Variants in LGR5 observed in about 807,000 individuals in gnomAD.
LGR5 encodes the protein leucine-rich repeat-containing G protein-coupled receptor 5.
LGR5 carries 54 observed loss-of-function variants against 76.7 expected under a neutral mutation model. The observed-to-expected ratio is 0.70, with a 90% CI of 0.57 to 0.88. The LOEUF (loss-of-function observed/expected upper bound fraction) is 0.88, where lower values mean the gene tolerates loss of function less well. LGR5 is among the 40% of genes least tolerant of loss of function. The pLI is 0.00. For synonymous variants in LGR5, 406 were observed against 421.9 expected (o/e 0.96, Z 0.46); for missense variants, 1,078 against 1,073.3 (o/e 1.00, Z -0.06).
chr12:71,580,129 A>G, intron 15 of LGR5, 149 bp from the exon 16 acceptor site: 1 of 567,228 alleles, frequency 1.8e-6, no homozygotes, highest in Non-Finnish European at 2.9e-6. Flanking sequence ...TAGCACTGTA[A>G]TGAACACCTT....
At chr12:71,550,950 C>G (rs1406591698) in intron 4 of LGR5, among the ~76,000 whole-genome samples, 1 of 152,096 alleles carries the variant, frequency 6.6e-6, no homozygotes, top group Non-Finnish European at 1.5e-5. Flanking sequence ...GAAATTATAC[C>G]TTATTTGAGC....
intron 3 of LGR5, among the ~76,000 whole-genome samples, chr12:71,531,393 A>T (rs1022199562): frequency 1.3e-5 from 2 of 152,262 alleles, no homozygotes; most frequent in African/African-American, 4.8e-5. Context: ...ACTTATAATG[A>T]TATAATAAAG....
rs929655175 is a variant in LGR5, at chr12:71,560,414, G to T, written c.785+760G>T. Among the ~76,000 whole-genome samples, 68 of 152,270 alleles carry T rather than the reference G, an allele frequency of 4.5e-4. 1 individual carries two copies. Among genetic ancestry groups the T allele is most frequent in the Admixed American group, 1.4e-3 (22 of 15,288 alleles). On this transcript the variant is annotated intron_variant, in intron 7 of 17. Coordinates refer to ENST00000266674, the MANE Select transcript of LGR5 (RefSeq NM_003667.4). ...TCTTCATCCCTGTCATCTTCACATT[G>T]AGGAGGCTGAGGAGGAAGAGGAAGA...
intron 16 of LGR5, 117 bp from the exon 17 acceptor site, chr12:71,582,339 G>A: frequency 1.3e-6 from 1 of 793,838 alleles, no homozygotes; most frequent in Non-Finnish European, 2.1e-6. Context: ...GAAAGCTAGA[G>A]CACAAGGAAT....
rs140264650 is a variant in LGR5, at chr12:71,575,722, ATGTGTGTGTGTG to A, written c.1209-2177_1209-2166del. Among the ~76,000 whole-genome samples the A allele has an allele frequency of 2.7e-3, 398 of 144,842 alleles. 1 individual carries two copies. Among genetic ancestry groups the A allele is most frequent in the East Asian group, 0.023 (113 of 4,978 alleles). ...TGAGACTCCATCTCAAAAAATATATATGTGTGTGTGTGTGTGTGTGTGTGTGTGTGTGTGTGT... is the reference window on the plus strand; with the variant it reads ...TGAGACTCCATCTCAAAAAATATATATGTGTGTGTGTGTGTGTGTGTGTGT... On this transcript the variant is annotated intron_variant, in intron 13 of 17. Transcript: ENST00000266674.
rs1346446642 is a variant in LGR5, at chr12:71,440,780, C to G, written c.212+488C>G. Among the ~76,000 whole-genome samples, 3 of 152,232 alleles carry G rather than the reference C, an allele frequency of 2.0e-5. No homozygotes were observed. The highest frequency in any genetic ancestry group is 4.4e-5 in the Non-Finnish European group (3 of 68,042). Reference sequence around the variant, plus strand: ...TCCAAAGGGTTTTTAGTCTGCATCCCTTGCACTGTGACGTGATGTAACCTT... The same window carrying G: ...TCCAAAGGGTTTTTAGTCTGCATCCGTTGCACTGTGACGTGATGTAACCTT... On this transcript the variant is annotated intron_variant, in intron 1 of 17. Coordinates refer to ENST00000266674, the MANE Select transcript of LGR5 (RefSeq NM_003667.4). This position sits in a 1 kb window ranked among gnomAD's most constrained non-coding sequence, Gnocchi z 5.3.
At chr12:71,458,192 G>T (rs1419829735) in intron 1 of LGR5, among the ~76,000 whole-genome samples, 1 of 151,940 alleles carries the variant, frequency 6.6e-6, no homozygotes, top group African/African-American at 2.4e-5. Flanking sequence ...TAGTAGATAT[G>T]GTATCTGTAA....
chr12:71,582,727 G>C, intron 17 of LGR5, 188 bp downstream of exon 17: 1 of 548,986 alleles, frequency 1.8e-6, no homozygotes, highest in Non-Finnish European at 3.3e-6. Context: ...TTGCCAATAG[G>C]ATTGAGGTGG....
At chr12:71,445,675 C>A (rs1269512804) in intron 1 of LGR5, among the ~76,000 whole-genome samples, 2 of 152,074 alleles carry the variant, frequency 1.3e-5, no homozygotes, top group African/African-American at 4.8e-5. Flanking sequence ...TGGATTAAGC[C>A]CAATGGGAAT....
intron 15 of LGR5, 77 bp downstream of exon 15, chr12:71,579,006 A>T: frequency 7.5e-7 from 1 of 1,329,746 alleles, no homozygotes; most frequent in Non-Finnish European, 1.0e-6. Flanking sequence ...GGTGTTCTAA[A>T]TTTATGAGGT....
intron 3 of LGR5, among the ~76,000 whole-genome samples, chr12:71,528,425 A>G (rs929942828): frequency 1.3e-5 from 2 of 152,130 alleles, no homozygotes; most frequent in Non-Finnish European, 2.9e-5. Flanking sequence ...TTGCACCACT[A>G]TACTGTAGCC....
intron 1 of LGR5, among the ~76,000 whole-genome samples, chr12:71,458,218 A>G (rs1872563541): frequency 6.6e-6 from 1 of 152,060 alleles, no homozygotes; most frequent in African/African-American, 2.4e-5. Context: ...CTGTAAACTT[A>G]ATTGCTTTTT....
intron 5 of LGR5, among the ~76,000 whole-genome samples, chr12:71,554,022 C>T (rs561595901): frequency 6.6e-6 from 1 of 152,170 alleles, no homozygotes; most frequent in African/African-American, 2.4e-5. Context: ...ACCCAGGTTG[C>T]AGTGAGCCAA....
At position 71,553,141 on chromosome 12, in the gene LGR5, A is replaced by G; in HGVS notation, c.497A>G (p.His166Arg). 1 of 1,613,964 alleles carries G rather than the reference A, an allele frequency of 6.2e-7. No individual in the cohort carries two copies. The highest frequency in any genetic ancestry group is 8.5e-7 in the Non-Finnish European group (1 of 1,179,988). Residue 166 changes from histidine (H) to arginine (R), a missense_variant, in exon 5 of 18, where the codon CAC becomes CGC. Coordinates refer to ENST00000266674, the MANE Select transcript of LGR5 (RefSeq NM_003667.4). ...SCFSGLHSLR[H>R]LWLDDNALTE... ...TTCAGTGGCCTGCATTCCCTGAGGC[A>G]CCTGTGGCTGGATGACAATGCGTTA...
Position 71,509,003 on chromosome 12 carries a change from A to G in LGR5, c.284+4318A>G, listed in dbSNP as rs76021435. On this transcript the variant is annotated intron_variant, in intron 2 of 17. Transcript: ENST00000266674. ...AAGGTGACCAGATATGCAGAGGCCA[A>G]TTGTCCTTCTGGTGGCAATGTGCCC... is the stretch of plus-strand genomic sequence containing the variant. Among the ~76,000 whole-genome samples the G allele has an allele frequency of 1.7e-3, 252 of 152,232 alleles. 3 individuals are homozygous for G. In the East Asian group the frequency reaches 0.025, roughly 15 times the overall value.
intron 11 of LGR5, 123 bp from the exon 12 acceptor site, chr12:71,571,391 A>T: frequency 1.6e-6 from 1 of 610,294 alleles, no homozygotes; most frequent in Non-Finnish European, 2.8e-6. Flanking sequence ...TGTCAGGGCT[A>T]TGAAAATGTT....
intron 8 of LGR5, among the ~76,000 whole-genome samples, chr12:71,564,743 T>C (rs1486386235): frequency 3.6e-5 from 1 of 28,152 alleles, no homozygotes; most frequent in Non-Finnish European, 1.4e-4. Flanking sequence ...ACACACACTG[T>C]ATATATATAC....
At chr12:71,553,377 A>C in intron 5 of LGR5, 89 bp downstream of exon 5, 1 of 1,101,982 alleles carries the variant, frequency 9.1e-7, no homozygotes, top group Non-Finnish European at 1.4e-6. Context: ...CAAAGCTCAA[A>C]TGGGGACATT....
At chr12:71,544,336 C>G (rs1242870266) in intron 4 of LGR5, among the ~76,000 whole-genome samples, 1 of 95,766 alleles carries the variant, frequency 1.0e-5, no homozygotes, top group Non-Finnish European at 2.0e-5. Context: ...TTTTTGTTAA[C>G]CATTTCAGAG....
Sources: gnomAD v4.1 joint callset for allele counts (sites outside exome capture counted in the v4.1 genomes callset) on GRCh38, gnomAD v4.1.1 for gene constraint, Gnocchi (gnomAD v3.1) non-coding constraint, MANE v1.5 for transcripts, NCBI Gene and HGNC (gene_info 2026-07-23, HGNC 2026-07-21) for gene names.